The following MYO1D variants were observed in gnomAD, a reference collection of about 807,000 sequenced individuals.
MYO1D encodes the protein unconventional myosin-Id.
MYO1D carries 83 observed loss-of-function variants against 122.0 expected under a neutral mutation model. The observed-to-expected ratio is 0.68, with a 90% confidence interval of 0.57 to 0.82. The LOEUF (loss-of-function observed/expected upper bound fraction) is 0.82. Ranked by LOEUF, MYO1D falls within the 40% of genes least tolerant of loss-of-function variation. The pLI is 0.00. For synonymous variants in MYO1D, 464 were observed against 446.9 expected (o/e 1.04, Z -0.48); for missense variants, 1,157 against 1,269.5 (o/e 0.91, Z 1.35).
intron 21 of MYO1D, among the ~76,000 whole-genome samples, chr17:32,572,590 G>A (rs2087241907): frequency 6.6e-6 from 1 of 151,978 alleles, no homozygotes; most frequent in Non-Finnish European, 1.5e-5. Flanking sequence ...ATATAAGTCA[G>A]ACCACATCAC....
chr17:32,581,106 T>C (rs1185388627), intron 21 of MYO1D, among the ~76,000 whole-genome samples: 1 of 152,248 alleles, frequency 6.6e-6, no homozygotes, highest in Non-Finnish European at 1.5e-5. Context: ...GTTTTAACTA[T>C]GAATTAAATT....
chr17:32,702,262 C>T (rs1208988242), intron 16 of MYO1D, among the ~76,000 whole-genome samples: 1 of 152,160 alleles, frequency 6.6e-6, no homozygotes, highest in African/African-American at 2.4e-5. Context: ...TTTGTATATA[C>T]ATTATGCCTG....
intron 20 of MYO1D, among the ~76,000 whole-genome samples, chr17:32,628,178 A>C (rs1597949590): frequency 6.6e-6 from 1 of 152,216 alleles, no homozygotes; most frequent in Non-Finnish European, 1.5e-5. Context: ...TAAAAATTTT[A>C]ACCTTTGTTA....
intron 16 of MYO1D, among the ~76,000 whole-genome samples, chr17:32,696,445 A>G (rs905001748): frequency 6.6e-5 from 10 of 152,336 alleles, no homozygotes; most frequent in African/African-American, 2.4e-4. Context: ...ATGACAAAAA[A>G]AGTATAACCA....
chr17:32,809,549 A>G (rs1163265910), intron 1 of MYO1D, among the ~76,000 whole-genome samples: 1 of 150,062 alleles, frequency 6.7e-6, no homozygotes, highest in African/African-American at 2.5e-5. Flanking sequence ...CACGATTCTC[A>G]CACCTCAGCT....
rs116224573 is a variant in MYO1D, at chr17:32,593,031, T to A, written c.2864+12056A>T. Among the ~76,000 whole-genome samples, 661 of 152,298 alleles carry A rather than the reference T, an allele frequency of 4.3e-3. 5 individuals are homozygous for A. Among genetic ancestry groups the A allele is most frequent in the African/African-American group, 0.016 (646 of 41,556 alleles). On this transcript the variant is annotated intron_variant, in intron 21 of 21. Coordinates refer to ENST00000318217, the MANE Select transcript of MYO1D (RefSeq NM_015194.3). ...TCTTCCTCAGGTTTTACTGGAGACTTCCATGTTCTTGGAAGACACCACTTC... is the reference window on the plus strand; with the variant it reads ...TCTTCCTCAGGTTTTACTGGAGACTACCATGTTCTTGGAAGACACCACTTC...
At chr17:32,834,864 T>C (rs538006878) in intron 1 of MYO1D, among the ~76,000 whole-genome samples, 1 of 152,144 alleles carries the variant, frequency 6.6e-6, no homozygotes, top group South Asian at 2.1e-4. Flanking sequence ...ATACAAAAAT[T>C]AGCCAGGCAT....
intron 20 of MYO1D, among the ~76,000 whole-genome samples, chr17:32,619,633 G>A (rs757871148): frequency 6.6e-6 from 1 of 152,000 alleles, no homozygotes; most frequent in Non-Finnish European, 1.5e-5. Context: ...ATTGATTTAG[G>A]TAAAACTACT....
intron 20 of MYO1D, among the ~76,000 whole-genome samples, chr17:32,618,647 T>TG (rs2087809998): frequency 1.3e-5 from 2 of 151,660 alleles, no homozygotes; most frequent in Non-Finnish European, 2.9e-5. Context: ...TTCTTTTTTT[T>TG]TTTTTGAGAC....
At chr17:32,747,160 G>A (rs765617665) in intron 12 of MYO1D, among the ~76,000 whole-genome samples, 1 of 152,074 alleles carries the variant, frequency 6.6e-6, no homozygotes, top group Non-Finnish European at 1.5e-5. Flanking sequence ...ATTATTTTAT[G>A]GTCCTAGAAT....
intron 1 of MYO1D, among the ~76,000 whole-genome samples, chr17:32,787,789 T>G (rs780827548): frequency 6.6e-6 from 1 of 152,146 alleles, no homozygotes; most frequent in Non-Finnish European, 1.5e-5. Flanking sequence ...ATTATATCAT[T>G]CTTGTGCCTT....
At position 32,705,538 on chromosome 17, in the gene MYO1D, C is replaced by T. The variant is rs537658843; in HGVS notation, c.2121+6450G>A. Among the ~76,000 whole-genome samples the T allele has an allele frequency of 7.6e-4, 115 of 152,306 alleles. 3 individuals are homozygous for T. The highest frequency in any genetic ancestry group is 2.6e-3 in the African/African-American group (108 of 41,568). On this transcript the variant is annotated intron_variant, in intron 16 of 21. Transcript: ENST00000318217. ...TTGGCCTCCCAAAGTGCTGGGATTA[C>T]AGGCATGGGCCACCACACGTGGCCG...
intron 21 of MYO1D, chr17:32,518,509 G>A (rs960580839): frequency 6.6e-6 from 1 of 152,306 alleles, no homozygotes; most frequent in Non-Finnish European, 1.5e-5. Context: ...AATGCACATG[G>A]TATGATATTC....
At position 32,771,218 on chromosome 17, in the gene MYO1D, T is replaced by C; in HGVS notation, c.621A>G (p.Leu207=). The change falls in exon 6 of 22, where the codon CTA becomes CTG. Residue 207 remains leucine, a splice_region_variant and synonymous_variant. Transcript: ENST00000318217. ...GCATTTGTTCTGAACCTCCTTGGAG[T>C]AGCTGAAAAATATTTAATTAGAAAT... The part of the protein sequence containing the change: ...GERSFHSFYQ[L]LQGGSEQMLR... The C allele has an allele frequency of 6.3e-7, 1 of 1,597,276 alleles. No individual in the cohort carries two copies. Among genetic ancestry groups the C allele is most frequent in the Non-Finnish European group, 8.6e-7 (1 of 1,166,736 alleles).
Position 32,877,003 on chromosome 17 carries a change from C to T in MYO1D, c.-131G>A, listed in dbSNP as rs1305865950. On this transcript the variant is annotated 5_prime_UTR_variant, in exon 1 of 22. Transcript: ENST00000318217. ...ACGGGGAGGGGGCGCGCACGCCGCTCGGCGGGTCCGGGCCGGACAGAGGCC... is the reference window on the plus strand; with the variant it reads ...ACGGGGAGGGGGCGCGCACGCCGCTTGGCGGGTCCGGGCCGGACAGAGGCC... 3 of 360,764 alleles carry T rather than the reference C, an allele frequency of 8.3e-6. No individual in the cohort carries two copies. The highest frequency in any genetic ancestry group is 1.2e-4 in the East Asian group (2 of 16,440). The allele number at this position is 360,764 out of a possible 1,614,324, so 22.3% of individuals were successfully genotyped here.
At position 32,853,438 on chromosome 17, in the gene MYO1D, C is replaced by T. The variant is rs115061340; in HGVS notation, c.95+23340G>A. On this transcript the variant is annotated intron_variant, in intron 1 of 21. Coordinates refer to ENST00000318217, the MANE Select transcript of MYO1D (RefSeq NM_015194.3). ...TATTCTTATTCTATGGCCAACTTGCCAACTTCCTGCTCACACTTTAGTTCA... is the reference window on the plus strand; with the variant it reads ...TATTCTTATTCTATGGCCAACTTGCTAACTTCCTGCTCACACTTTAGTTCA... 8.7e-3 allele frequency among the ~76,000 whole-genome samples: 1,324 copies of T among 152,234 alleles called. 24 individuals are homozygous for T. Among genetic ancestry groups the T allele is most frequent in the African/African-American group, 0.03 (1,245 of 41,522 alleles).
At chr17:32,831,396 G>A (rs982775533) in intron 1 of MYO1D, among the ~76,000 whole-genome samples, 10 of 152,190 alleles carry the variant, frequency 6.6e-5, no homozygotes, top group Non-Finnish European at 1.2e-4. Context: ...AGTCCTCACA[G>A]ATGAATTTAT....
intron 16 of MYO1D, among the ~76,000 whole-genome samples, chr17:32,696,817 T>C (rs939209676): frequency 6.6e-6 from 1 of 152,222 alleles, no homozygotes; most frequent in African/African-American, 2.4e-5. Flanking sequence ...TTGAATATTT[T>C]TGTAGAAAAC....
intron 17 of MYO1D, 101 bp downstream of exon 17, chr17:32,659,014 A>T: frequency 1.8e-6 from 2 of 1,128,192 alleles, no homozygotes; most frequent in South Asian, 2.8e-5. Context: ...ATGTCATAAC[A>T]GCAAATAGCT....
Sources: gnomAD v4.1 joint callset for allele counts (sites outside exome capture counted in the v4.1 genomes callset) on GRCh38, gnomAD v4.1.1 for gene constraint, MANE v1.5 for transcripts, NCBI Gene and HGNC (gene_info 2026-07-23, HGNC 2026-07-21) for gene names.